Variants in ZFAT observed in about 807,000 individuals in gnomAD.
The protein encoded by ZFAT is zinc finger protein ZFAT.
ZFAT carries 64 observed loss-of-function variants against 117.7 expected under a neutral mutation model. The ratio of observed to expected loss-of-function variants is 0.54; its 90% CI spans 0.44 to 0.67. ZFAT has a LOEUF of 0.67. Ranked by LOEUF, ZFAT falls within the 30% of genes least tolerant of loss-of-function variation. ZFAT has a pLI of 0.00. For missense variants in ZFAT, 1,433 were observed against 1,584.5 expected (o/e 0.90, Z 1.62); for synonymous variants, 679 against 615.0 (o/e 1.10, Z -1.54).
intron 3 of ZFAT, among the ~76,000 whole-genome samples, chr8:134,629,326 T>C (rs1350077976): frequency 3.3e-5 from 5 of 152,070 alleles, no homozygotes; most frequent in African/African-American, 9.7e-5. Flanking sequence ...AGAACACAGC[T>C]GGTGGTGAAA....
intron 10 of ZFAT, 61 bp downstream of exon 10, chr8:134,583,771 G>A: frequency 1.3e-6 from 2 of 1,575,344 alleles, no homozygotes; most frequent in Non-Finnish European, 1.7e-6. Context: ...CTGACAAACT[G>A]GAACATCAGC....
chr8:134,515,564 T>C (rs571495708), intron 13 of ZFAT, among the ~76,000 whole-genome samples: 36 of 152,376 alleles, frequency 2.4e-4, no homozygotes, highest in Non-Finnish European at 2.8e-4. Context: ...TGGCCAGTGA[T>C]GATGAGCTTT....
At position 134,583,990 on chromosome 8, in the gene ZFAT, T is replaced by C. The variant is rs1825889202; in HGVS notation, c.2729A>G (p.Lys910Arg). Reference sequence around the variant, plus strand: ...AGTTGCATACTCACACAAAGAACACTTGAAGGGCTTCACACCTGCCAAGGG... The same window carrying C: ...AGTTGCATACTCACACAAAGAACACCTGAAGGGCTTCACACCTGCCAAGGG... ...IWAHEGVKPF[K>R]CSLCEYATRS... The change falls in exon 10 of 16, where the codon AAG becomes AGG. Residue 910 changes from lysine (K) to arginine (R), a missense_variant. Coordinates refer to ENST00000377838, the MANE Select transcript of ZFAT (RefSeq NM_020863.4). 4 of 1,556,486 alleles carry C rather than the reference T, an allele frequency of 2.6e-6. No individual in the cohort carries two copies. Among genetic ancestry groups the C allele is most frequent in the Non-Finnish European group, 3.5e-6 (4 of 1,149,240 alleles).
At chr8:134,798,979 C>T in the ZFAT span, among the ~76,000 whole-genome samples, 1 of 152,066 alleles carries the variant, frequency 6.6e-6, no homozygotes, top group Non-Finnish European at 1.5e-5. Flanking sequence ...ATATGTTTCT[C>T]AAAGTACTAT....
At position 134,588,383 on chromosome 8, in the gene ZFAT, C is replaced by T; in HGVS notation, c.2576G>A (p.Ser859Asn). The change falls in exon 9 of 16, where the codon AGC (serine) becomes AAC (asparagine). Residue 859 changes from serine to asparagine, a missense_variant. Transcript: ENST00000377838. The part of the protein sequence containing the change: ...IKTNHPEVSM[S>N]TISEVLGRRV... Reference sequence around the variant, plus strand: ...CCTCCCGAGAACCTCAGAAATGGTGCTCATGGAGACCTCTAGAAGAAAAGC... The same window carrying T: ...CCTCCCGAGAACCTCAGAAATGGTGTTCATGGAGACCTCTAGAAGAAAAGC... 1 of 1,586,042 alleles carries T rather than the reference C, an allele frequency of 6.3e-7. No homozygotes were observed. The highest frequency in any genetic ancestry group is 1.2e-5 in the South Asian group (1 of 86,218).
chr8:134,622,284 G>A (rs1448306081), intron 3 of ZFAT, among the ~76,000 whole-genome samples: 2 of 152,166 alleles, frequency 1.3e-5, no homozygotes, highest in South Asian at 2.1e-4. Context: ...AACTTTCACT[G>A]TGCAGCACTG....
intron 14 of ZFAT, among the ~76,000 whole-genome samples, chr8:134,512,265 G>A (rs1171496935): frequency 6.6e-6 from 1 of 152,220 alleles, no homozygotes; most frequent in Non-Finnish European, 1.5e-5. Context: ...CTGTTCGAAG[G>A]CTTTCCCTCT....
At chr8:134,738,289 C>G in the ZFAT span, among the ~76,000 whole-genome samples, 1 of 152,128 alleles carries the variant, frequency 6.6e-6, no homozygotes, top group Non-Finnish European at 1.5e-5. Context: ...TCAGGCAGCC[C>G]TGGGTAGAAT....
intron 11 of ZFAT, among the ~76,000 whole-genome samples, chr8:134,534,554 G>A (rs1361979158): frequency 6.6e-6 from 1 of 151,924 alleles, no homozygotes; most frequent in Non-Finnish European, 1.5e-5. Context: ...ATGGGAGAGA[G>A]GGAGAAGGAG....
intron 9 of ZFAT, among the ~76,000 whole-genome samples, chr8:134,584,653 T>C (rs1194013265): frequency 6.6e-6 from 1 of 152,186 alleles, no homozygotes; most frequent in Non-Finnish European, 1.5e-5. Context: ...AAGTGTCTAC[T>C]GAGGACCTAT....
intron 3 of ZFAT, among the ~76,000 whole-genome samples, chr8:134,612,799 A>G (rs1333352048): frequency 2.0e-5 from 3 of 152,192 alleles, no homozygotes; most frequent in Admixed American, 6.5e-5. Context: ...AAAAGTCAAG[A>G]CCATCAGACG....
intron 1 of ZFAT, among the ~76,000 whole-genome samples, chr8:134,660,580 G>A (rs1831878115): frequency 6.6e-6 from 1 of 152,104 alleles, no homozygotes; most frequent in South Asian, 2.1e-4. Flanking sequence ...CCCATGTAAT[G>A]GTTTTTACTG....
intron 1 of ZFAT, among the ~76,000 whole-genome samples, chr8:134,710,846 G>A (rs114767948): frequency 1.2e-3 from 186 of 152,264 alleles, no homozygotes; most frequent in African/African-American, 4.2e-3. Context: ...GTCTGGCATC[G>A]CCATCATTCC....
chr8:134,516,176 G>C (rs1480621246), intron 13 of ZFAT, among the ~76,000 whole-genome samples: 2 of 152,170 alleles, frequency 1.3e-5, no homozygotes, highest in Non-Finnish European at 2.9e-5. Flanking sequence ...TCTAAGTTTC[G>C]CTGATTGCAT....
At chr8:134,778,314 G>C in the ZFAT span, among the ~76,000 whole-genome samples, 2 of 152,114 alleles carry the variant, frequency 1.3e-5, no homozygotes, top group Non-Finnish European at 2.9e-5. Context: ...TGTTCCCTAG[G>C]GCTAACTCAG....
intron 12 of ZFAT, among the ~76,000 whole-genome samples, chr8:134,521,571 T>C (rs1041935810): frequency 6.6e-6 from 1 of 152,140 alleles, no homozygotes; most frequent in Non-Finnish European, 1.5e-5. Flanking sequence ...TGATTAAATT[T>C]TGCACACGTT....
At chr8:134,500,568 T>C (rs75068476) in intron 15 of ZFAT, among the ~76,000 whole-genome samples, 1 of 152,228 alleles carries the variant, frequency 6.6e-6, no homozygotes, top group Non-Finnish European at 1.5e-5. Flanking sequence ...TTTCTGTAAC[T>C]ACTATGGTGT....
chr8:134,600,326 C>T (rs763752536), intron 7 of ZFAT, 110 bp downstream of exon 7: 11 of 1,000,700 alleles, frequency 1.1e-5, no homozygotes, highest in Admixed American at 5.2e-5. Context: ...AAGGATCTCT[C>T]TATGTTTTCA....
chr8:134,739,312 TGTG>T, the ZFAT span, among the ~76,000 whole-genome samples: 1 of 150,648 alleles, frequency 6.6e-6, no homozygotes, highest in Admixed American at 6.6e-5. Context: ...TGTGTGTGTG[TGTG>T]TGTACACATG....
Sources: gnomAD v4.1 joint callset for allele counts (sites outside exome capture counted in the v4.1 genomes callset) on GRCh38, gnomAD v4.1.1 for gene constraint, MANE v1.5 for transcripts, NCBI Gene and HGNC (gene_info 2026-07-23, HGNC 2026-07-21) for gene names.